The following BCAS3 variants were observed in gnomAD, a reference collection of about 807,000 sequenced individuals.
BCAS3 encodes the protein BCAS4/BCAS3 fusion.
BCAS3 carries 53 observed loss-of-function variants against 116.1 expected under a neutral mutation model. The ratio of observed to expected loss-of-function variants is 0.46; its 90% CI spans 0.37 to 0.57. BCAS3 has a LOEUF of 0.57. Among genes scored for constraint, BCAS3 ranks in the 20% least tolerant of loss-of-function variants. The probability of loss-of-function intolerance (pLI) is 0.00; values close to 1 mark genes in which losing one functional copy is unlikely to be tolerated. For missense variants in BCAS3, 917 were observed against 1,165.4 expected (o/e 0.79, Z 3.10); for synonymous variants, 391 against 408.2 (o/e 0.96, Z 0.51).
intron 6 of BCAS3, among the ~76,000 whole-genome samples, chr17:60,780,204 G>A (rs1305450987): frequency 6.6e-6 from 1 of 150,950 alleles, no homozygotes; most frequent in Non-Finnish European, 1.5e-5. Flanking sequence ...TGGCCAAGCT[G>A]GTCTCAAACT....
chr17:60,788,018 A>G (rs1355606468), intron 6 of BCAS3, among the ~76,000 whole-genome samples: 2 of 151,978 alleles, frequency 1.3e-5, no homozygotes, highest in African/African-American at 4.8e-5. Flanking sequence ...TTGAGTTCTC[A>G]TATGTTGCAG....
intron 15 of BCAS3, among the ~76,000 whole-genome samples, chr17:60,996,453 A>C (rs2063841857): frequency 6.6e-6 from 1 of 152,184 alleles, no homozygotes; most frequent in South Asian, 2.1e-4. Context: ...AGTCAAGATG[A>C]CTAGTAAGAC....
intron 6 of BCAS3, among the ~76,000 whole-genome samples, chr17:60,796,083 T>C (rs1185243261): frequency 6.6e-6 from 1 of 152,236 alleles, no homozygotes; most frequent in East Asian, 1.9e-4. Context: ...TGAAACCCAC[T>C]TGATCATGGT....
chr17:60,964,025 T>C lies in BCAS3; in HGVS notation c.1221+16673T>C, dbSNP rs1052581263. On this transcript the variant is annotated intron_variant, in intron 14 of 23. Transcript: ENST00000407086. This position sits in a 1 kb window ranked among gnomAD's most constrained non-coding sequence, Gnocchi z 4.6. ...TCCTTTCCAATTTGGTTGCTCTTTATTTCTTTCTCTTGCCTAATTGCTCTG... is the reference window on the plus strand; with the variant it reads ...TCCTTTCCAATTTGGTTGCTCTTTACTTCTTTCTCTTGCCTAATTGCTCTG... 2.6e-5 allele frequency among the ~76,000 whole-genome samples: 4 copies of C among 152,216 alleles called. No homozygotes were observed. Among genetic ancestry groups the C allele is most frequent in the African/African-American group, 7.2e-5 (3 of 41,476 alleles).
At chr17:60,949,968 G>T (rs1271815892) in intron 14 of BCAS3, among the ~76,000 whole-genome samples, 2 of 152,118 alleles carry the variant, frequency 1.3e-5, no homozygotes, top group Non-Finnish European at 2.9e-5. Flanking sequence ...ATGTGTGGTG[G>T]GGGAAAGGTG....
At chr17:61,310,337 T>G (rs569780212) in intron 22 of BCAS3, among the ~76,000 whole-genome samples, 56 of 152,274 alleles carry the variant, frequency 3.7e-4, no homozygotes, top group Middle Eastern at 3.4e-3. Context: ...GTGGATCACC[T>G]GAGGTCAGGA....
In BCAS3 at chr17:61,077,153, T is replaced by A. The variant is rs541358610; in HGVS notation, c.2131-1180T>A. Among the ~76,000 whole-genome samples, 20 of 147,672 alleles carry A rather than the reference T, an allele frequency of 1.4e-4. 1 individual carries two copies. The South Asian group carries it at 4.2e-3, about 31-fold the overall frequency. On this transcript the variant is annotated intron_variant, in intron 20 of 23. Coordinates refer to ENST00000407086, the MANE Select transcript of BCAS3 (RefSeq NM_017679.5). This position sits in a 1 kb window ranked among gnomAD's most constrained non-coding sequence, Gnocchi z 4.3. ...GATTATTTGTAAAAAAAAAAAAAAA[T>A]CATGTAATATATATATTTTCAGGTT...
At position 61,278,353 on chromosome 17, in the gene BCAS3, T is replaced by C. The variant is rs2050951817; in HGVS notation, c.2426-89974T>C. Among the ~76,000 whole-genome samples the C allele has an allele frequency of 6.6e-6, 1 of 152,182 alleles. No individual in the cohort carries two copies. Among genetic ancestry groups the C allele is most frequent in the African/African-American group, 2.4e-5 (1 of 41,456 alleles). ...ACCGTTCCCAGATAATTTTTGTGTTTTTTGTAGAGACAGGGTTTCGCCATG... is the reference window on the plus strand; with the variant it reads ...ACCGTTCCCAGATAATTTTTGTGTTCTTTGTAGAGACAGGGTTTCGCCATG... On this transcript the variant is annotated intron_variant, in intron 22 of 23. Transcript: ENST00000407086. The surrounding 1 kb of genome is among the most constrained non-coding windows in gnomAD (Gnocchi z 5.8).
At position 61,367,717 on chromosome 17, in the gene BCAS3, G is replaced by A. The variant is rs2058815385; in HGVS notation, c.2426-610G>A. The A allele has an allele frequency of 6.6e-6, 1 of 152,158 alleles. No individual in the cohort carries two copies. The highest frequency in any genetic ancestry group is 1.5e-5 in the Non-Finnish European group (1 of 68,030). 9.4% of individuals were successfully genotyped at this position (152,158 alleles called of 1,614,324 possible). A position where few individuals can be genotyped will look rare whatever the true frequency, so the allele number is the denominator to read the frequency against. On this transcript the variant is annotated intron_variant, in intron 22 of 23. Transcript: ENST00000407086. This position sits in a 1 kb window ranked among gnomAD's most constrained non-coding sequence, Gnocchi z 6.2. ...CTCTGAGCTCCAACTATAAAATGAG[G>A]AAGTTGGTTATAGGTTATAGAATAT...
At chr17:61,038,729 C>T (rs1056458984) in intron 18 of BCAS3, among the ~76,000 whole-genome samples, 3 of 139,482 alleles carry the variant, frequency 2.2e-5, no homozygotes, top group African/African-American at 7.8e-5. Flanking sequence ...AGGGCAGTGG[C>T]ACGATCTCAG....
intron 14 of BCAS3, among the ~76,000 whole-genome samples, chr17:60,971,275 A>T (rs1453726597): frequency 6.6e-6 from 1 of 152,214 alleles, no homozygotes. Context: ...GTCAGTAAAA[A>T]TGAAACTTCT....
At position 61,243,847 on chromosome 17, in the gene BCAS3, A is replaced by G. The variant is rs1343459823; in HGVS notation, c.2426-124480A>G. 6.6e-6 allele frequency among the ~76,000 whole-genome samples: 1 copy of G among 152,188 alleles called. No individual in the cohort carries two copies. Among genetic ancestry groups the G allele is most frequent in the Non-Finnish European group, 1.5e-5 (1 of 68,020 alleles). Reference sequence around the variant, plus strand: ...GTCAACCAGGCTGGAGTGCGCTGGTATGACCATAGGTCTCTGCAGCCTCAA... The same window carrying G: ...GTCAACCAGGCTGGAGTGCGCTGGTGTGACCATAGGTCTCTGCAGCCTCAA... On this transcript the variant is annotated intron_variant, in intron 22 of 23. Coordinates refer to ENST00000407086, the MANE Select transcript of BCAS3 (RefSeq NM_017679.5). The surrounding 1 kb of genome is among the most constrained non-coding windows in gnomAD (Gnocchi z 5.6).
chr17:61,046,057 T>TTATATATATATAATATATATATTTA, intron 19 of BCAS3, among the ~76,000 whole-genome samples: 1 of 19,096 alleles, frequency 5.2e-5, no homozygotes. Context: ...AATATATATA[T>TTATATATATATAATATATATATTTA]TATATATATA....
intron 11 of BCAS3, 69 bp downstream of exon 11, chr17:60,902,772 T>G (rs1161163479): frequency 1.6e-6 from 2 of 1,223,310 alleles, no homozygotes; most frequent in Non-Finnish European, 2.4e-6. Flanking sequence ...TCTCCTGAAT[T>G]ATATTTTCTA....
intron 22 of BCAS3, among the ~76,000 whole-genome samples, chr17:61,167,466 G>A (rs912355793): frequency 1.3e-5 from 2 of 152,154 alleles, no homozygotes; most frequent in Admixed American, 1.3e-4. Context: ...TCCTTGAACT[G>A]TAGATACTTA....
intron 5 of BCAS3, among the ~76,000 whole-genome samples, chr17:60,733,032 T>A (rs2040617023): frequency 6.6e-6 from 1 of 152,208 alleles, no homozygotes; most frequent in South Asian, 2.1e-4. Flanking sequence ...CATTCATTCA[T>A]CAATTTATTC....
In BCAS3 at chr17:61,291,662, G is replaced by A. The variant is rs373673382; in HGVS notation, c.2426-76665G>A. On this transcript the variant is annotated intron_variant, in intron 22 of 23. Coordinates refer to ENST00000407086, the MANE Select transcript of BCAS3 (RefSeq NM_017679.5). Reference sequence around the variant, plus strand: ...GCAGGCTCCTGACACAATGAATTGCGGTTCTTCATTTATGGCAGTTTGTGC... The same window carrying A: ...GCAGGCTCCTGACACAATGAATTGCAGTTCTTCATTTATGGCAGTTTGTGC... Among the ~76,000 whole-genome samples, 15 of 152,230 alleles carry A rather than the reference G, an allele frequency of 9.9e-5. No individual in the cohort carries two copies. In the East Asian group the frequency reaches 1.4e-3, roughly 14 times the overall value.
At chr17:61,055,726 C>CAT (rs2069313065) in intron 19 of BCAS3, among the ~76,000 whole-genome samples, 1 of 152,094 alleles carries the variant, frequency 6.6e-6, no homozygotes, top group African/African-American at 2.4e-5. Context: ...TCTGTTCTTA[C>CAT]ATGGTTTATA....
At chr17:60,896,765 T>TA (rs1439730591) in intron 10 of BCAS3, among the ~76,000 whole-genome samples, 1 of 152,136 alleles carries the variant, frequency 6.6e-6, no homozygotes, top group Non-Finnish European at 1.5e-5. Flanking sequence ...TTGGGTCATT[T>TA]AAAAAAATCC....
Sources: allele counts gnomAD v4.1 joint callset (sites outside exome capture counted in the v4.1 genomes callset), GRCh38; gene constraint gnomAD v4.1.1; non-coding constraint Gnocchi (gnomAD v3.1); transcripts MANE v1.5; gene names NCBI Gene and HGNC (gene_info 2026-07-23, HGNC 2026-07-21).